GPRIN1: variants seen among roughly 807,000 people sequenced by gnomAD.
The protein encoded by GPRIN1 is G protein regulated inducer of neurite outgrowth 1.
Under a neutral mutation model 2.8 loss-of-function variants are expected in GPRIN1, and 4 were observed. That is an observed-to-expected ratio of 1.45 (90% CI 0.71 to 3.32). The LOEUF (loss-of-function observed/expected upper bound fraction) is 3.32. GPRIN1 is among the 30% of genes most tolerant of loss of function. The pLI is 0.01. For synonymous variants in GPRIN1, 589 were observed against 589.9 expected (o/e 1.00, Z 0.02); for missense variants, 1,322 against 1,343.4 (o/e 0.98, Z 0.25).
intron 1 of GPRIN1, among the ~76,000 whole-genome samples, chr5:176,604,876 G>A (rs573477706): frequency 1.5e-4 from 23 of 152,102 alleles, no homozygotes; most frequent in African/African-American, 5.3e-4. Context: ...TGGGATTACA[G>A]GCATGCGCCA....
rs6862187 is a variant in GPRIN1, at chr5:176,596,465, A to G, written c.*343T>C. On this transcript the variant is annotated 3_prime_UTR_variant, in exon 2 of 2. Coordinates refer to ENST00000303991, the MANE Select transcript of GPRIN1 (RefSeq NM_052899.3). This position sits in a 1 kb window ranked among gnomAD's most constrained non-coding sequence, Gnocchi z 5.2. The stretch of plus-strand genomic sequence containing the variant: ...GAGACCACAACGCACCAGTCTAGAC[A>G]TCTCAGGAGCCTGCCCCAGCTCTCA... The G allele has an allele frequency of 0.012, 1,937 of 166,776 alleles. 43 individuals are homozygous for G. Among genetic ancestry groups the G allele is most frequent in the African/African-American group, 0.044 (1,832 of 42,030 alleles). 10.3% of individuals were successfully genotyped at this position (166,776 alleles called of 1,614,324 possible).
chr5:176,609,768 A>ACCCGCCCCCGC (rs1759282830), intron 1 of GPRIN1, among the ~76,000 whole-genome samples: 1 of 148,570 alleles, frequency 6.7e-6, no homozygotes, highest in South Asian at 2.1e-4. Flanking sequence ...GGGCTGCGGG[A>ACCCGCCCCCGC]CCCGCCCCCG....
Position 176,596,646 on chromosome 5 carries a change from A to T in GPRIN1, c.*162T>A. Reference sequence around the variant, plus strand: ...AGCTTGGTAGAAGGGGTTCTTCTGTATTTGTGATGGGAGGGGCTGGAAAGA... The same window carrying T: ...AGCTTGGTAGAAGGGGTTCTTCTGTTTTTGTGATGGGAGGGGCTGGAAAGA... On this transcript the variant is annotated 3_prime_UTR_variant, in exon 2 of 2. Transcript: ENST00000303991. This position sits in a 1 kb window ranked among gnomAD's most constrained non-coding sequence, Gnocchi z 5.2. 2.0e-6 allele frequency: 1 copy of T among 500,712 alleles called. No homozygotes were observed. Among genetic ancestry groups the T allele is most frequent in the Non-Finnish European group, 2.9e-6 (1 of 341,412 alleles). 31.0% of individuals were successfully genotyped at this position (500,712 alleles called of 1,614,324 possible). A position where few individuals can be genotyped will look rare whatever the true frequency, so the allele number is the denominator to read the frequency against.
Position 176,598,935 on chromosome 5 carries a change from C to CACGGG in GPRIN1, c.899_900insCCCGT (p.Met300IlefsTer24). 4 of 1,614,076 alleles carry CACGGG rather than the reference C, an allele frequency of 2.5e-6. No homozygotes were observed. The South Asian group carries it at 4.4e-5, about 18-fold the overall frequency. On this transcript the variant is annotated frameshift_variant, in exon 2 of 2. Coordinates refer to ENST00000303991, the MANE Select transcript of GPRIN1 (RefSeq NM_052899.3). LOFTEE classifies it low-confidence loss of function (END_TRUNC). The stretch of plus-strand genomic sequence containing the variant: ...ACGCAGAATCCATGCTTTCCAAGGG[C>CACGGG]ATGGGATCTGCCTTTCCCGAGGGCC...
intron 1 of GPRIN1, among the ~76,000 whole-genome samples, chr5:176,601,680 A>C (rs1232020422): frequency 6.6e-6 from 1 of 152,162 alleles, no homozygotes; most frequent in Non-Finnish European, 1.5e-5. Context: ...CTCAGTAGCC[A>C]AAGCAAATAG....
Position 176,596,660 on chromosome 5 carries a change from G to T in GPRIN1, c.*148C>A. On this transcript the variant is annotated 3_prime_UTR_variant, in exon 2 of 2. Transcript: ENST00000303991. This position sits in a 1 kb window ranked among gnomAD's most constrained non-coding sequence, Gnocchi z 5.2. Reference sequence around the variant, plus strand: ...GGTTCTTCTGTATTTGTGATGGGAGGGGCTGGAAAGACGGGGACGCAACAG... The same window carrying T: ...GGTTCTTCTGTATTTGTGATGGGAGTGGCTGGAAAGACGGGGACGCAACAG... 1 of 574,758 alleles carries T rather than the reference G, an allele frequency of 1.7e-6. No homozygotes were observed. The highest frequency in any genetic ancestry group is 2.5e-6 in the Non-Finnish European group (1 of 403,550). The allele number at this position is 574,758 out of a possible 1,614,324, so 35.6% of individuals were successfully genotyped here. A position where few individuals can be genotyped will look rare whatever the true frequency, so the allele number is the denominator to read the frequency against.
chr5:176,597,348 CA>C lies in GPRIN1; in HGVS notation c.2486del (p.Met829SerfsTer48). The C allele has an allele frequency of 8.0e-7, 1 of 1,253,386 alleles. No homozygotes were observed. Among genetic ancestry groups the C allele is most frequent in the Non-Finnish European group, 1.0e-6 (1 of 1,001,654 alleles). The allele number at this position is 1,253,386 out of a possible 1,614,324, so 77.6% of individuals were successfully genotyped here. On this transcript the variant is annotated frameshift_variant, in exon 2 of 2. Coordinates refer to ENST00000303991, the MANE Select transcript of GPRIN1 (RefSeq NM_052899.3). LOFTEE classifies it low-confidence loss of function (END_TRUNC). The surrounding 1 kb of genome is among the most constrained non-coding windows in gnomAD (Gnocchi z 6.1). ...QACVSVAVSP[M>X]SPQDGAGGSA... Reference sequence around the variant, plus strand: ...AGCCCCCAGCGCCGTCCTGCGGAGACATGGGGCTCACGGCCACTGAGACGCA... The same window carrying C: ...AGCCCCCAGCGCCGTCCTGCGGAGACTGGGGCTCACGGCCACTGAGACGCA...
Position 176,596,730 on chromosome 5 carries a change from G to A in GPRIN1, c.*78C>T. ...CCTCGGAGGCCTGTGGCACGCAGAGGGGACCCCTTCTAGGGGCCTGTGATC... is the reference window on the plus strand; with the variant it reads ...CCTCGGAGGCCTGTGGCACGCAGAGAGGACCCCTTCTAGGGGCCTGTGATC... On this transcript the variant is annotated 3_prime_UTR_variant, in exon 2 of 2. Transcript: ENST00000303991. The surrounding 1 kb of genome is among the most constrained non-coding windows in gnomAD (Gnocchi z 5.2). 8.1e-7 allele frequency: 1 copy of A among 1,233,322 alleles called. No homozygotes were observed. The highest frequency in any genetic ancestry group is 1.0e-6 in the Non-Finnish European group (1 of 964,834). The allele number at this position is 1,233,322 out of a possible 1,614,324, so 76.4% of individuals were successfully genotyped here. A position where few individuals can be genotyped will look rare whatever the true frequency, so the allele number is the denominator to read the frequency against.
At position 176,599,781 on chromosome 5, in the gene GPRIN1, G is replaced by A. The variant is rs1759120902; in HGVS notation, c.54C>T (p.Ser18=). ...AWLQLLQKDS[S]PPGPRPTAFF... ...AGGCTGTGGGTCGGGGTCCTGGGGG[G>A]CTGGAATCCTTTTGAAGCAGCTGGA... Residue 18 remains serine (S), a synonymous_variant, in exon 2 of 2, where the codon AGC becomes AGT. Transcript: ENST00000303991. 6.6e-7 allele frequency: 1 copy of A among 1,510,482 alleles called. No homozygotes were observed. The highest frequency in any genetic ancestry group is 1.3e-5 in the South Asian group (1 of 74,562). 93.6% of individuals were successfully genotyped at this position (1,510,482 alleles called of 1,614,324 possible). A position where few individuals can be genotyped will look rare whatever the true frequency, so the allele number is the denominator to read the frequency against.
At position 176,597,629 on chromosome 5, in the gene GPRIN1, G is replaced by A. The variant is rs769996555; in HGVS notation, c.2206C>T (p.Arg736Trp). 6.2e-7 allele frequency: 1 copy of A among 1,600,790 alleles called. No individual in the cohort carries two copies. The highest frequency in any genetic ancestry group is 1.1e-5 in the South Asian group (1 of 90,864). Residue 736 changes from arginine to tryptophan, a missense_variant, in exon 2 of 2, where the codon CGG becomes TGG. Physicochemically the swap from Arg to Trp is moderately radical, Grantham distance 101. This residue lies in a region of GPRIN1 where 1,117 missense variants were observed against 1,128.6 expected (regional missense o/e 0.99). Coordinates refer to ENST00000303991, the MANE Select transcript of GPRIN1 (RefSeq NM_052899.3). The surrounding 1 kb of genome is among the most constrained non-coding windows in gnomAD (Gnocchi z 6.1). Reference protein sequence around the residue: ...QLDRKALGSARSPEGARGSEG... With the variant: ...QLDRKALGSAWSPEGARGSEG... ...CTGCCCCTGGCACCCTCGGGAGACC[G>A]GGCTGAGCCGAGGGCTTTGCGGTCT...
chr5:176,599,444 G>A lies in GPRIN1; in HGVS notation c.391C>T (p.Pro131Ser), dbSNP rs1759111820. The change falls in exon 2 of 2, where the codon CCT becomes TCT. Residue 131 changes from proline to serine, a missense_variant. Physicochemically the swap from Pro to Ser is moderately conservative, Grantham distance 74 (BLOSUM62 -1). Transcript: ENST00000303991. ...GGCTCAGTTTTCACGGAGGACACAG[G>A]CTCTGGCTTCCCAGACGTGGTGGCT... is the stretch of plus-strand genomic sequence containing the variant. The part of the protein sequence containing the change: ...PEATTSGKPE[P>S]VSSVKTEPKS... The A allele has an allele frequency of 1.2e-6, 2 of 1,614,218 alleles. No individual in the cohort carries two copies. The highest frequency in any genetic ancestry group is 1.6e-4 in the Middle Eastern group (1 of 6,062).
Position 176,599,027 on chromosome 5 carries a change from AG to A in GPRIN1, c.807del (p.Ser270GlnfsTer12). On this transcript the variant is annotated frameshift_variant, in exon 2 of 2. Transcript: ENST00000303991. LOFTEE classifies it low-confidence loss of function (END_TRUNC). Reference sequence around the variant, plus strand: ...GCAGATGTAGGAGCGACCTTTTCTGAGGACACAGGATGCTCTTTTCCTGAAT... The same window carrying A: ...GCAGATGTAGGAGCGACCTTTTCTGAGACACAGGATGCTCTTTTCCTGAAT... ...PRYSGKEHPV[S>X]SEKVAPTSAE... The A allele has an allele frequency of 1.2e-6, 2 of 1,614,096 alleles. No individual in the cohort carries two copies. The highest frequency in any genetic ancestry group is 1.7e-6 in the Non-Finnish European group (2 of 1,179,998).
intron 1 of GPRIN1, 150 bp downstream of exon 1, chr5:176,609,849 C>T (rs1416868687): frequency 2.0e-5 from 3 of 150,394 alleles, no homozygotes; most frequent in Non-Finnish European, 4.4e-5. Flanking sequence ...GCCGCGCGCA[C>T]ACACCCGGGC....
chr5:176,601,033 A>C (rs866949913), intron 1 of GPRIN1, among the ~76,000 whole-genome samples: 12 of 152,314 alleles, frequency 7.9e-5, no homozygotes, highest in Non-Finnish European at 1.5e-4. Context: ...CAGTTGCTTA[A>C]GTGGGAAATC....
In GPRIN1 at chr5:176,596,905, TCTG is replaced by T; in HGVS notation, c.2927_2929del (p.Pro976_Asp977delinsHis). 1 of 1,237,316 alleles carries T rather than the reference TCTG, an allele frequency of 8.1e-7. No individual in the cohort carries two copies. Among genetic ancestry groups the T allele is most frequent in the African/African-American group, 1.5e-5 (1 of 64,650 alleles). 76.6% of individuals were successfully genotyped at this position (1,237,316 alleles called of 1,614,324 possible). On this transcript the variant is annotated inframe_deletion, in exon 2 of 2. Coordinates refer to ENST00000303991, the MANE Select transcript of GPRIN1 (RefSeq NM_052899.3). The surrounding 1 kb of genome is among the most constrained non-coding windows in gnomAD (Gnocchi z 5.2). ...GCCGGGCGGACGCTTGGCGGCGCCATCTGGGGGCGCGGTGCGCACCGAGCCCGA... is the reference window on the plus strand; with the variant it reads ...GCCGGGCGGACGCTTGGCGGCGCCATGGGGCGCGGTGCGCACCGAGCCCGA...
intron 1 of GPRIN1, among the ~76,000 whole-genome samples, chr5:176,607,162 GC>G (rs1759233341): frequency 6.6e-6 from 1 of 152,164 alleles, no homozygotes; most frequent in Non-Finnish European, 1.5e-5. Context: ...TTTCAGAACT[GC>G]CCCAAGACCA....
intron 1 of GPRIN1, among the ~76,000 whole-genome samples, chr5:176,608,171 G>C (rs1358296806): frequency 6.6e-6 from 1 of 151,704 alleles, no homozygotes; most frequent in Non-Finnish European, 1.5e-5. Context: ...CCTCCTGCCT[G>C]GGCTTCTCAA....
intron 1 of GPRIN1, among the ~76,000 whole-genome samples, chr5:176,600,823 G>T (rs1278937104): frequency 6.6e-6 from 1 of 152,204 alleles, no homozygotes; most frequent in Non-Finnish European, 1.5e-5. Context: ...GGCCGAGGCA[G>T]GAGAATTGCT....
Position 176,598,671 on chromosome 5 carries a change from C to T in GPRIN1, c.1164G>A (p.Val388=), listed in dbSNP as rs780493966. ...AAGCCGTAGTATCCGTGTGGCCAGA[C>T]ACAGGACGCCCCTCTCCTGAGGAGG... ...DPASSGEGRP[V]SGHTDTTASA... is the part of the protein sequence containing the mutation. Residue 388 remains valine (V), a synonymous_variant, in exon 2 of 2, where the codon GTG becomes GTA. Transcript: ENST00000303991. 4.5e-5 allele frequency: 72 copies of T among 1,614,038 alleles called. No individual in the cohort carries two copies. The highest frequency in any genetic ancestry group is 5.9e-5 in the Non-Finnish European group (70 of 1,180,042).
Sources: allele counts gnomAD v4.1 joint callset (sites outside exome capture counted in the v4.1 genomes callset), GRCh38; gene constraint gnomAD v4.1.1; regional missense constraint gnomAD v4.1.1; non-coding constraint Gnocchi (gnomAD v3.1); transcripts MANE v1.5; gene names NCBI Gene and HGNC (gene_info 2026-07-23, HGNC 2026-07-21).